Variants in FGD6 observed in about 807,000 individuals in gnomAD.
The protein encoded by FGD6 is FYVE, RhoGEF and PH domain containing 6.
Under a neutral mutation model 149.4 loss-of-function variants are expected in FGD6, and 90 were observed. The observed-to-expected ratio is 0.60, with a 90% CI of 0.51 to 0.72. The LOEUF (loss-of-function observed/expected upper bound fraction) is 0.72. Among genes scored for constraint, FGD6 ranks in the 30% least tolerant of loss-of-function variants. FGD6 has a pLI of 0.00. For missense variants in FGD6, 1,437 were observed against 1,684.8 expected, an observed-to-expected ratio of 0.85 and a Z score of 2.57; for synonymous variants, 527 against 584.0, an observed-to-expected ratio of 0.90 and a Z score of 1.41.
intron 8 of FGD6, among the ~76,000 whole-genome samples, chr12:95,133,563 C>A (rs568557764): frequency 1.3e-5 from 2 of 152,182 alleles, no homozygotes; most frequent in African/African-American, 4.8e-5. Flanking sequence ...AGAAGAAAAG[C>A]ATGGACACCA....
chr12:95,187,874 G>A (rs1218632770), intron 2 of FGD6, among the ~76,000 whole-genome samples: 9 of 152,036 alleles, frequency 5.9e-5, no homozygotes, highest in Non-Finnish European at 1.0e-4. Context: ...ATATCCTGAA[G>A]CTCAGAATAA....
chr12:95,168,451 G>A (rs893333671), intron 3 of FGD6, among the ~76,000 whole-genome samples: 1 of 152,152 alleles, frequency 6.6e-6, no homozygotes, highest in African/African-American at 2.4e-5. Flanking sequence ...ATAACCTGAG[G>A]TCAGGAGTTT....
At chr12:95,185,154 G>A (rs561909022) in intron 2 of FGD6, among the ~76,000 whole-genome samples, 2 of 152,322 alleles carry the variant, frequency 1.3e-5, no homozygotes, top group East Asian at 3.9e-4. Flanking sequence ...GATTATAGGT[G>A]TGAGCACCCG....
At chr12:95,100,706 C>T (rs7135194) in intron 14 of FGD6, 392,789 of 536,382 alleles carry the variant, frequency 0.73, 144,625 homozygotes, top group Middle Eastern at 0.78. Context: ...GTGAAGTTGA[C>T]TGCCCTTGCA....
chr12:95,181,815 G>T (rs1389387489), intron 2 of FGD6, among the ~76,000 whole-genome samples: 1 of 152,026 alleles, frequency 6.6e-6, no homozygotes, highest in Non-Finnish European at 1.5e-5. Context: ...TTAGCTGGGC[G>T]TGGTGGCGGG....
In FGD6 at chr12:95,086,269, T is replaced by C. The variant is rs1284846603; in HGVS notation, c.3979-361A>G. On this transcript the variant is annotated intron_variant, in intron 18 of 20. Coordinates refer to ENST00000343958, the MANE Select transcript of FGD6 (RefSeq NM_018351.4). The stretch of plus-strand genomic sequence containing the variant: ...GATTTGGGGACTTGGGGATTTGTTT[T>C]TTATTGCTCTTATTTTGGGGCATCA... Among the ~76,000 whole-genome samples, 5 of 152,272 alleles carry C rather than the reference T, an allele frequency of 3.3e-5. No individual in the cohort carries two copies. In the East Asian group the frequency reaches 9.6e-4, roughly 29 times the overall value.
chr12:95,125,753 C>T (rs1429705375), intron 8 of FGD6: 16 of 658,502 alleles, frequency 2.4e-5, no homozygotes, highest in Admixed American at 1.2e-4. Flanking sequence ...CACCGACTGC[C>T]GCCAATATGG....
At chr12:95,126,298 G>A (rs2136251594) in intron 8 of FGD6, 1 of 1,478,724 alleles carries the variant, frequency 6.8e-7, no homozygotes, top group Non-Finnish European at 9.3e-7. Flanking sequence ...AAAGCCACAG[G>A]CCAGAAGGCA....
intron 9 of FGD6, among the ~76,000 whole-genome samples, chr12:95,112,272 A>C (rs144321180): frequency 0.012 from 1,741 of 150,786 alleles, 42 homozygotes; most frequent in African/African-American, 0.041. Flanking sequence ...AAATTCATAA[A>C]ATTAATGGAC....
At chr12:95,090,180 A>C (rs895328978) in intron 17 of FGD6, among the ~76,000 whole-genome samples, 47 of 152,098 alleles carry the variant, frequency 3.1e-4, no homozygotes, top group African/African-American at 1.1e-3. Flanking sequence ...TGGAGTAAGT[A>C]GGAATTTGCC....
At chr12:95,171,329 ATGAATTTTCTCCATGGCT>A (rs540583402) in intron 3 of FGD6, among the ~76,000 whole-genome samples, 1 of 152,344 alleles carries the variant, frequency 6.6e-6, no homozygotes, top group Admixed American at 6.5e-5. Context: ...ATTATGGCAC[ATGAATTTTCTCCATGGCT>A]TGCTATGCTA....
chr12:95,214,072 CCT>C (rs991031209), intron 1 of FGD6, among the ~76,000 whole-genome samples: 1 of 152,158 alleles, frequency 6.6e-6, no homozygotes, highest in African/African-American at 2.4e-5. Flanking sequence ...TGTACTGTGG[CCT>C]CTGTCTCCTG....
At chr12:95,183,927 A>G (rs1004943645) in intron 2 of FGD6, among the ~76,000 whole-genome samples, 1 of 152,220 alleles carries the variant, frequency 6.6e-6, no homozygotes, top group Non-Finnish European at 1.5e-5. Flanking sequence ...GCAGATTTTA[A>G]TAAGATTATC....
chr12:95,128,772 G>A (rs1300530923), intron 8 of FGD6, among the ~76,000 whole-genome samples: 1 of 152,210 alleles, frequency 6.6e-6, no homozygotes, highest in African/African-American at 2.4e-5. Flanking sequence ...GTATATGGGT[G>A]TCCAGCTCAG....
At chr12:95,175,792 T>C (rs1240474765) in intron 2 of FGD6, among the ~76,000 whole-genome samples, 7 of 129,944 alleles carry the variant, frequency 5.4e-5, no homozygotes, top group Non-Finnish European at 1.1e-4. Context: ...AGAGTGAGAC[T>C]CTGTCTCAAA....
At chr12:95,178,541 CT>C (rs1228265381) in intron 2 of FGD6, among the ~76,000 whole-genome samples, 1 of 152,148 alleles carries the variant, frequency 6.6e-6, no homozygotes, top group Non-Finnish European at 1.5e-5. Flanking sequence ...ATCCTTCCCC[CT>C]GAAAGAAAAG....
intron 5 of FGD6, among the ~76,000 whole-genome samples, chr12:95,147,774 C>T (rs746052392): frequency 2.6e-5 from 4 of 151,904 alleles, no homozygotes; most frequent in Non-Finnish European, 4.4e-5. Flanking sequence ...AGGGTTGTTA[C>T]GAGGATTAAA....
intron 3 of FGD6, among the ~76,000 whole-genome samples, chr12:95,160,170 C>T (rs946249432): frequency 2.0e-5 from 3 of 151,550 alleles, no homozygotes; most frequent in Admixed American, 6.6e-5. Context: ...CAAAGCAAGA[C>T]CTCATTTCTA....
chr12:95,092,651 C>G (rs757816439), intron 16 of FGD6, 48 bp downstream of exon 16: 1 of 1,597,992 alleles, frequency 6.3e-7, no homozygotes, highest in Non-Finnish European at 8.5e-7. Flanking sequence ...TATGTACAGC[C>G]TGGAGACAGT....
Sources: gnomAD v4.1 joint callset for allele counts (sites outside exome capture counted in the v4.1 genomes callset) on GRCh38, gnomAD v4.1.1 for gene constraint, MANE v1.5 for transcripts, NCBI Gene and HGNC (gene_info 2026-07-23, HGNC 2026-07-21) for gene names.